ATP5MG: variants seen among roughly 807,000 people sequenced by gnomAD.
ATP5MG encodes ATP synthase membrane subunit g.
In ATP5MG, 7 loss-of-function variants were observed where a neutral mutation model predicts 12.7. The ratio of observed to expected loss-of-function variants is 0.55; its 90% CI spans 0.31 to 1.04. ATP5MG has a LOEUF of 1.04. Among genes scored for constraint, ATP5MG ranks in the 50% least tolerant of loss-of-function variants. The probability of loss-of-function intolerance (pLI) is 0.05; values close to 1 mark genes in which losing one functional copy is unlikely to be tolerated. For missense variants in ATP5MG, 116 were observed against 126.7 expected (o/e 0.92, Z 0.41); for synonymous variants, 53 against 48.2 (o/e 1.10, Z -0.41).
intron 1 of ATP5MG, chr11:118,401,934 T>G: frequency 1.8e-6 from 1 of 546,748 alleles, no homozygotes; most frequent in Non-Finnish European, 3.2e-6. Context: ...ACCTAGAAGT[T>G]CCTGAATTCT....
intron 1 of ATP5MG, among the ~76,000 whole-genome samples, chr11:118,403,221 G>A (rs1370498474): frequency 2.0e-5 from 3 of 152,154 alleles, no homozygotes; most frequent in Non-Finnish European, 1.5e-5. Flanking sequence ...ATGGCCCTGC[G>A]GCGGTAGCTT....
At chr11:118,405,172 T>C (rs1183469589) in intron 1 of ATP5MG, among the ~76,000 whole-genome samples, 1 of 152,236 alleles carries the variant, frequency 6.6e-6, no homozygotes, top group Non-Finnish European at 1.5e-5. Flanking sequence ...GCTACCAGAA[T>C]ATCACTACTT....
At chr11:118,401,963 A>T (rs1014967449) in intron 1 of ATP5MG, 2 of 480,120 alleles carry the variant, frequency 4.2e-6, no homozygotes, top group African/African-American at 3.9e-5. Context: ...CTGGGAAGAG[A>T]GGTAGTGTGA....
intron 2 of ATP5MG, 27 bp downstream of exon 2, chr11:118,407,124 T>C: frequency 1.2e-6 from 2 of 1,613,142 alleles, no homozygotes; most frequent in Non-Finnish European, 1.7e-6. Flanking sequence ...TGAAAACGGA[T>C]GTGCATAACA....
chr11:118,409,222 A>G lies in ATP5MG; in HGVS notation c.*124A>G. On this transcript the variant is annotated 3_prime_UTR_variant, in exon 3 of 3. Coordinates refer to ENST00000300688, the MANE Select transcript of ATP5MG (RefSeq NM_006476.5). ...AAACTCAGTGTTTTCTCCATCAGAT[A>G]CTCCATGAAAGGTCACAATTTCTCT... 1 of 529,638 alleles carries G rather than the reference A, an allele frequency of 1.9e-6. No homozygotes were observed. The highest frequency in any genetic ancestry group is 2.9e-6 in the Non-Finnish European group (1 of 340,698). The allele number at this position is 529,638 out of a possible 1,614,324, so 32.8% of individuals were successfully genotyped here.
chr11:118,409,220 A>C lies in ATP5MG; in HGVS notation c.*122A>C. 1 of 567,796 alleles carries C rather than the reference A, an allele frequency of 1.8e-6. No homozygotes were observed. The highest frequency in any genetic ancestry group is 2.7e-6 in the Non-Finnish European group (1 of 367,904). 35.2% of individuals were successfully genotyped at this position (567,796 alleles called of 1,614,324 possible). A position where few individuals can be genotyped will look rare whatever the true frequency, so the allele number is the denominator to read the frequency against. On this transcript the variant is annotated 3_prime_UTR_variant, in exon 3 of 3. Coordinates refer to ENST00000300688, the MANE Select transcript of ATP5MG (RefSeq NM_006476.5). ...CAAAACTCAGTGTTTTCTCCATCAG[A>C]TACTCCATGAAAGGTCACAATTTCT...
At chr11:118,403,929 G>A (rs1243196623) in intron 1 of ATP5MG, 3 of 151,808 alleles carry the variant, frequency 2.0e-5, no homozygotes, top group East Asian at 1.9e-4. Context: ...TTTAGGTGGC[G>A]CATATTAAGG....
At chr11:118,406,822 G>T in intron 1 of ATP5MG, 115 bp from the exon 2 acceptor site, 1 of 1,440,674 alleles carries the variant, frequency 6.9e-7, no homozygotes, top group South Asian at 1.3e-5. Context: ...TTTGGTACAA[G>T]CAGTGAATGA....
intron 1 of ATP5MG, chr11:118,406,290 G>A (rs1228569487): frequency 6.6e-6 from 1 of 152,332 alleles, no homozygotes; most frequent in African/African-American, 2.4e-5. Flanking sequence ...TTCCAGCTTG[G>A]TAATAGATTC....
intron 1 of ATP5MG, chr11:118,401,969 T>G (rs1555131184): frequency 2.1e-6 from 1 of 465,710 alleles, no homozygotes. Context: ...AGAGAGGTAG[T>G]GTGAAGGAAG....
intron 1 of ATP5MG, chr11:118,406,226 A>G (rs1257233918): frequency 6.6e-6 from 1 of 152,444 alleles, no homozygotes; most frequent in African/African-American, 2.4e-5. Flanking sequence ...CAGTCTCACA[A>G]CTACCCTGGT....
Position 118,409,846 on chromosome 11 carries a change from T to C in ATP5MG, c.*748T>C, listed in dbSNP as rs1475969552. On this transcript the variant is annotated 3_prime_UTR_variant, in exon 3 of 3. Transcript: ENST00000300688. ...CCTGAAATAAATGAAATGATTGCTA[T>C]AGTCTGTCTTCTGGAGCGATTTTAT... is the stretch of plus-strand genomic sequence containing the variant. The C allele has an allele frequency of 6.6e-6, 1 of 152,244 alleles. No individual in the cohort carries two copies. The highest frequency in any genetic ancestry group is 1.5e-5 in the Non-Finnish European group (1 of 68,050). 9.4% of individuals were successfully genotyped at this position (152,244 alleles called of 1,614,324 possible). A position where few individuals can be genotyped will look rare whatever the true frequency, so the allele number is the denominator to read the frequency against.
rs1165862305 is a variant in ATP5MG, at chr11:118,402,684, TTTTC to T, written c.52+979_52+982del. Among the ~76,000 whole-genome samples, 459 of 149,326 alleles carry T rather than the reference TTTTC, an allele frequency of 3.1e-3. 2 individuals carry two copies. The highest frequency in any genetic ancestry group is 0.01 in the African/African-American group (416 of 40,874). ...TTTGAGTTTGGTTTGGGTATTTTCT[TTTTC>T]TTTCTTTCTTTTTTTTTTTTTTTTT... On this transcript the variant is annotated intron_variant, in intron 1 of 2. Coordinates refer to ENST00000300688, the MANE Select transcript of ATP5MG (RefSeq NM_006476.5).
intron 2 of ATP5MG, among the ~76,000 whole-genome samples, chr11:118,407,994 C>G (rs1204379511): frequency 6.6e-6 from 1 of 152,134 alleles, no homozygotes; most frequent in Non-Finnish European, 1.5e-5. Context: ...AACCCCATCT[C>G]TACTAAAAAT....
chr11:118,408,255 T>G (rs1565547376), intron 2 of ATP5MG, among the ~76,000 whole-genome samples: 1 of 152,216 alleles, frequency 6.6e-6, no homozygotes. Flanking sequence ...ATTGCTAGTT[T>G]TAGAGCCTAC....
At chr11:118,406,466 G>A (rs1357013827) in intron 1 of ATP5MG, 3 of 166,932 alleles carry the variant, frequency 1.8e-5, no homozygotes, top group African/African-American at 7.2e-5. Context: ...TGGATTTGTG[G>A]ATAATATTAT....
At chr11:118,402,702 T>C (rs1348476016) in intron 1 of ATP5MG, among the ~76,000 whole-genome samples, 1 of 149,932 alleles carries the variant, frequency 6.7e-6, no homozygotes, top group East Asian at 1.9e-4. Flanking sequence ...CTTTCTTTTT[T>C]TTTTTTTTTT....
Position 118,409,219 on chromosome 11 carries a change from G to C in ATP5MG, c.*121G>C. On this transcript the variant is annotated 3_prime_UTR_variant, in exon 3 of 3. Coordinates refer to ENST00000300688, the MANE Select transcript of ATP5MG (RefSeq NM_006476.5). ...TCAAAACTCAGTGTTTTCTCCATCA[G>C]ATACTCCATGAAAGGTCACAATTTC... is the stretch of plus-strand genomic sequence containing the variant. The C allele has an allele frequency of 1.8e-6, 1 of 565,754 alleles. No individual in the cohort carries two copies. The highest frequency in any genetic ancestry group is 2.7e-6 in the Non-Finnish European group (1 of 366,752). The allele number at this position is 565,754 out of a possible 1,614,324, so 35.0% of individuals were successfully genotyped here.
Position 118,409,419 on chromosome 11 carries a change from G to A in ATP5MG, c.*321G>A, listed in dbSNP as rs782391620. The A allele has an allele frequency of 3.5e-4, 55 of 156,624 alleles. No individual in the cohort carries two copies. Among genetic ancestry groups the A allele is most frequent in the Non-Finnish European group, 5.8e-4 (41 of 70,834 alleles). 9.7% of individuals were successfully genotyped at this position (156,624 alleles called of 1,614,324 possible). A position where few individuals can be genotyped will look rare whatever the true frequency, so the allele number is the denominator to read the frequency against. On this transcript the variant is annotated 3_prime_UTR_variant, in exon 3 of 3. Transcript: ENST00000300688. Reference sequence around the variant, plus strand: ...AAGCTTTATTTCCAGAACAGTGAGGGTTAGGTCTTGGGAAAACTATAACTT... The same window carrying A: ...AAGCTTTATTTCCAGAACAGTGAGGATTAGGTCTTGGGAAAACTATAACTT...
Sources: allele counts gnomAD v4.1 joint callset (sites outside exome capture counted in the v4.1 genomes callset), GRCh38; gene constraint gnomAD v4.1.1; transcripts MANE v1.5; gene names NCBI Gene and HGNC (gene_info 2026-07-23, HGNC 2026-07-21).